The following PTPN3 variants were observed in gnomAD, a reference collection of about 807,000 sequenced individuals.
PTPN3 encodes tyrosine-protein phosphatase non-receptor type 3.
PTPN3 carries 96 observed loss-of-function variants against 132.7 expected under a neutral mutation model. That is an observed-to-expected ratio of 0.72 (90% CI 0.61 to 0.86). PTPN3 has a LOEUF of 0.86. Among genes scored for constraint, PTPN3 ranks in the 40% least tolerant of loss-of-function variants. The pLI is 0.00. For missense variants in PTPN3, 1,125 were observed against 1,159.6 expected, an observed-to-expected ratio of 0.97 and a Z score of 0.43; for synonymous variants, 398 against 429.0, an observed-to-expected ratio of 0.93 and a Z score of 0.89.
intron 2 of PTPN3, among the ~76,000 whole-genome samples, chr9:109,459,890 C>T (rs561453450): frequency 1.9e-4 from 29 of 152,224 alleles, no homozygotes; most frequent in African/African-American, 7.0e-4. Context: ...ACCTCTCCTA[C>T]CCTTAAGCAC....
chr9:109,487,147 T>C (rs1174967029), intron 1 of PTPN3, among the ~76,000 whole-genome samples: 1 of 152,164 alleles, frequency 6.6e-6, no homozygotes, highest in Non-Finnish European at 1.5e-5. Flanking sequence ...TGAAAAGGCC[T>C]GCAGGACAGT....
chr9:109,391,369 A>G, intron 20 of PTPN3, 102 bp downstream of exon 20: 1 of 1,353,350 alleles, frequency 7.4e-7, no homozygotes, highest in African/African-American at 1.5e-5. Context: ...TGGTGTTTAC[A>G]GACACACTGA....
chr9:109,481,263 C>T (rs959149595), intron 1 of PTPN3, among the ~76,000 whole-genome samples: 2 of 152,118 alleles, frequency 1.3e-5, no homozygotes, highest in African/African-American at 2.4e-5. Context: ...AGCCAGAGCC[C>T]ACCGAACACA....
chr9:109,500,462 G>T (rs1847849078), upstream of PTPN3, among the ~76,000 whole-genome samples: 1 of 151,992 alleles, frequency 6.6e-6, no homozygotes, highest in Non-Finnish European at 1.5e-5. Flanking sequence ...ACAGAAGCAG[G>T]AACAAAATGA....
chr9:109,379,925 G>A (rs58970715), intron 25 of PTPN3, among the ~76,000 whole-genome samples: 5,319 of 152,292 alleles, frequency 0.035, 147 homozygotes, highest in East Asian at 0.15. Flanking sequence ...GTAAGTGGAA[G>A]TGTGGAAGCC....
At chr9:109,495,811 G>C (rs1473469477) in intron 1 of PTPN3, among the ~76,000 whole-genome samples, 1 of 152,208 alleles carries the variant, frequency 6.6e-6, no homozygotes, top group Non-Finnish European at 1.5e-5. Flanking sequence ...AGGGGTCAGA[G>C]ACATGACTGA....
At chr9:109,390,374 C>T (rs1839962385) in intron 21 of PTPN3, among the ~76,000 whole-genome samples, 1 of 152,198 alleles carries the variant, frequency 6.6e-6, no homozygotes, top group Non-Finnish European at 1.5e-5. Flanking sequence ...ACCTTGCAAA[C>T]TAAGAGCGGC....
rs73525154 is a variant in PTPN3 at position 109,431,953 on chromosome 9, T to G, written c.764+1120A>C. Among the ~76,000 whole-genome samples the G allele has an allele frequency of 9.9e-4, 150 of 151,810 alleles. 1 individual carries two copies. The highest frequency in any genetic ancestry group is 3.5e-3 in the African/African-American group (144 of 41,498). On this transcript the variant is annotated intron_variant, in intron 10 of 25. Transcript: ENST00000374541. ...CAAAGAAAATACACAGTAATAGGACTTGGACACAGTAAGCATGCAATAAGA... is the reference window on the plus strand; with the variant it reads ...CAAAGAAAATACACAGTAATAGGACGTGGACACAGTAAGCATGCAATAAGA...
intron 1 of PTPN3, among the ~76,000 whole-genome samples, chr9:109,464,135 G>A (rs1342634348): frequency 1.3e-5 from 2 of 152,172 alleles, no homozygotes; most frequent in Non-Finnish European, 2.9e-5. Flanking sequence ...GCAAAACCAC[G>A]GAGGGTGTGG....
intron 22 of PTPN3, among the ~76,000 whole-genome samples, chr9:109,386,792 GA>G (rs1333262468): frequency 6.6e-6 from 1 of 152,204 alleles, no homozygotes. Context: ...TTTGAGCAGG[GA>G]AATGACAGGA....
chr9:109,467,420 C>T (rs528881967), intron 1 of PTPN3, among the ~76,000 whole-genome samples: 50 of 152,226 alleles, frequency 3.3e-4, no homozygotes, highest in African/African-American at 1.1e-3. Flanking sequence ...GATCACATTC[C>T]CTTTGGGAGC....
intron 13 of PTPN3, among the ~76,000 whole-genome samples, chr9:109,422,135 T>C (rs1842925416): frequency 6.6e-6 from 1 of 151,854 alleles, no homozygotes; most frequent in Non-Finnish European, 1.5e-5. Context: ...AACTTGTTAA[T>C]TAACAGAAGG....
intron 1 of PTPN3, among the ~76,000 whole-genome samples, chr9:109,482,015 T>C (rs1564480891): frequency 1.3e-5 from 2 of 152,206 alleles, no homozygotes; most frequent in East Asian, 1.9e-4. Context: ...GATCAGGCCA[T>C]AGAAAATGGA....
chr9:109,520,535 G>T, the PTPN3 span, among the ~76,000 whole-genome samples: 2 of 152,222 alleles, frequency 1.3e-5, no homozygotes, highest in Non-Finnish European at 2.9e-5. Context: ...GCTGTGCTGG[G>T]GATCAGCTGT....
intron 2 of PTPN3, among the ~76,000 whole-genome samples, chr9:109,462,001 T>C (rs190484882): frequency 6.6e-6 from 1 of 152,188 alleles, no homozygotes; most frequent in African/African-American, 2.4e-5. Flanking sequence ...ACAACTGAAT[T>C]TCCTTGCTGG....
At chr9:109,417,093 G>A (rs1250792466) in intron 14 of PTPN3, among the ~76,000 whole-genome samples, 1 of 152,140 alleles carries the variant, frequency 6.6e-6, no homozygotes, top group Non-Finnish European at 1.5e-5. Context: ...GTCTTCATTC[G>A]GAAGCAGGGA....
intron 1 of PTPN3, 130 bp from the exon 2 acceptor site, chr9:109,463,581 CAGAT>C: frequency 2.7e-6 from 2 of 742,432 alleles, no homozygotes; most frequent in Non-Finnish European, 2.0e-6. Flanking sequence ...AACTACATAG[CAGAT>C]CATGTTTCCA....
At chr9:109,531,188 G>T in the PTPN3 span, among the ~76,000 whole-genome samples, 5 of 152,254 alleles carry the variant, frequency 3.3e-5, no homozygotes, top group African/African-American at 1.2e-4. Flanking sequence ...TTCTGTAGAT[G>T]TCATCTCGAT....
intron 19 of PTPN3, among the ~76,000 whole-genome samples, chr9:109,401,586 G>T (rs1331886447): frequency 6.6e-6 from 1 of 152,232 alleles, no homozygotes; most frequent in Non-Finnish European, 1.5e-5. Flanking sequence ...GAGGTTTCAT[G>T]AACACCGAAA....
Sources: gnomAD v4.1 joint callset for allele counts (sites outside exome capture counted in the v4.1 genomes callset) on GRCh38, gnomAD v4.1.1 for gene constraint, MANE v1.5 for transcripts, NCBI Gene and HGNC (gene_info 2026-07-23, HGNC 2026-07-21) for gene names.